Variants in PRICKLE1 observed in about 807,000 individuals in gnomAD.
PRICKLE1 encodes prickle planar cell polarity protein 1, also known as prickle-like protein 1.
In PRICKLE1, 14 loss-of-function variants were observed where a neutral mutation model predicts 70.2. The ratio of observed to expected loss-of-function variants is 0.20; its 90% CI spans 0.13 to 0.31. The LOEUF (loss-of-function observed/expected upper bound fraction) is 0.31. PRICKLE1 is among the 10% of genes least tolerant of loss of function. The pLI is 1.00. For missense variants in PRICKLE1, 821 were observed against 1,026.2 expected (o/e 0.80, Z 2.73); for synonymous variants, 357 against 379.9 (o/e 0.94, Z 0.70).
rs574975083 is a variant in PRICKLE1, at chr12:42,564,391, G to C, written c.-49+25074C>G. Among the ~76,000 whole-genome samples the C allele has an allele frequency of 3.3e-5, 5 of 152,190 alleles. No homozygotes were observed. The East Asian group carries it at 9.7e-4, about 29-fold the overall frequency. ...GGAGGCTGAGGCAGGCGGATCACCT[G>C]AGGTCACGAGTTCGAGATCAGCCAA... On this transcript the variant is annotated intron_variant, in intron 1 of 7. Transcript: ENST00000345127.
chr12:42,528,236 A>G (rs1356977314), intron 1 of PRICKLE1, among the ~76,000 whole-genome samples: 1 of 151,826 alleles, frequency 6.6e-6, no homozygotes, highest in Non-Finnish European at 1.5e-5. Flanking sequence ...GTGCACCACC[A>G]TACCTGGCTA....
At chr12:42,481,130 A>G (rs1413040333) in intron 1 of PRICKLE1, among the ~76,000 whole-genome samples, 1 of 152,224 alleles carries the variant, frequency 6.6e-6, no homozygotes, top group African/African-American at 2.4e-5. Context: ...AGGGCAACTC[A>G]GAAGGGGAGT....
At chr12:42,552,080 T>C (rs943223381) in intron 1 of PRICKLE1, among the ~76,000 whole-genome samples, 1 of 108,446 alleles carries the variant, frequency 9.2e-6, no homozygotes, top group Non-Finnish European at 1.9e-5. Context: ...TTTTTTTTTT[T>C]TTTGGAGACA....
intron 1 of PRICKLE1, among the ~76,000 whole-genome samples, chr12:42,557,115 C>T (rs1940425672): frequency 6.6e-6 from 1 of 152,088 alleles, no homozygotes; most frequent in Non-Finnish European, 1.5e-5. Context: ...TGGCTCAAGG[C>T]CTTTACTTTC....
chr12:42,556,755 C>T (rs1178161970), intron 1 of PRICKLE1, among the ~76,000 whole-genome samples: 5 of 152,140 alleles, frequency 3.3e-5, no homozygotes. Context: ...AATATATGTA[C>T]ATGCCTGATG....
At chr12:42,557,802 C>A (rs1341048428) in intron 1 of PRICKLE1, among the ~76,000 whole-genome samples, 1 of 152,166 alleles carries the variant, frequency 6.6e-6, no homozygotes, top group Non-Finnish European at 1.5e-5. Flanking sequence ...TTCTCTCTCT[C>A]TGTGTAAAAG....
intron 1 of PRICKLE1, among the ~76,000 whole-genome samples, chr12:42,494,679 C>T (rs1939162591): frequency 6.6e-6 from 1 of 151,646 alleles, no homozygotes; most frequent in Non-Finnish European, 1.5e-5. Context: ...TGGTGGCACC[C>T]ACTTGTAGTC....
chr12:42,514,885 C>CTA (rs1939576725), intron 1 of PRICKLE1, among the ~76,000 whole-genome samples: 1 of 124,372 alleles, frequency 8.0e-6, no homozygotes, highest in Non-Finnish European at 1.7e-5. Flanking sequence ...TTTTAAGGCT[C>CTA]GCTCTATCTA....
At position 42,464,704 on chromosome 12, in the gene PRICKLE1, T is replaced by G. The variant is rs146199468; in HGVS notation, c.1330A>C (p.Ile444Leu). The G allele has an allele frequency of 4.1e-5, 66 of 1,613,996 alleles. No homozygotes were observed. Among genetic ancestry groups the G allele is most frequent in the Admixed American group, 6.7e-5 (4 of 59,998 alleles). The change falls in exon 7 of 8, where the codon ATA (isoleucine) becomes CTA (leucine). Residue 444 changes from isoleucine to leucine, a missense_variant. Coordinates refer to ENST00000345127, the MANE Select transcript of PRICKLE1 (RefSeq NM_153026.3). This position sits in a 1 kb window ranked among gnomAD's most constrained non-coding sequence, Gnocchi z 4.2. Reference protein sequence around the residue: ...EMDIRASEHWISDNMVKSKTE... With the variant: ...EMDIRASEHWLSDNMVKSKTE... ...TTACTTTTAACCATGTTATCAGATA[T>G]CCAGTGCTCACTGGCTCGAATATCC... is the stretch of plus-strand genomic sequence containing the variant.
At chr12:42,496,929 A>G (rs1939211661) in intron 1 of PRICKLE1, among the ~76,000 whole-genome samples, 1 of 152,184 alleles carries the variant, frequency 6.6e-6, no homozygotes, top group Non-Finnish European at 1.5e-5. Context: ...CTTATAATTC[A>G]TGTTCACTGG....
At chr12:42,495,480 C>T (rs2140175280) in intron 1 of PRICKLE1, among the ~76,000 whole-genome samples, 1 of 152,140 alleles carries the variant, frequency 6.6e-6, no homozygotes, top group Non-Finnish European at 1.5e-5. Context: ...GAGCCTCTCA[C>T]CTCAGCCTCC....
At chr12:42,511,006 G>C (rs1346814223) in intron 1 of PRICKLE1, among the ~76,000 whole-genome samples, 1 of 152,190 alleles carries the variant, frequency 6.6e-6, no homozygotes, top group Non-Finnish European at 1.5e-5. Flanking sequence ...CATGACAATG[G>C]TACAATCACC....
At chr12:42,478,934 A>G (rs2140145466) in intron 1 of PRICKLE1, among the ~76,000 whole-genome samples, 1 of 152,060 alleles carries the variant, frequency 6.6e-6, no homozygotes, top group East Asian at 2.0e-4. Context: ...CATCTGACCC[A>G]AAGGATAAGG....
intron 1 of PRICKLE1, among the ~76,000 whole-genome samples, chr12:42,535,447 T>C (rs1940001014): frequency 1.3e-5 from 2 of 152,176 alleles, no homozygotes; most frequent in South Asian, 2.1e-4. Context: ...AGAGTCAGTA[T>C]AGAGGAAACT....
chr12:42,570,064 G>C (rs1940682246), intron 1 of PRICKLE1, among the ~76,000 whole-genome samples: 1 of 152,230 alleles, frequency 6.6e-6, no homozygotes, highest in South Asian at 2.1e-4. Context: ...AAGCCTTATA[G>C]GCTCATTAGC....
At chr12:42,573,056 GGGCACT>G (rs1310130907) in intron 1 of PRICKLE1, among the ~76,000 whole-genome samples, 1 of 152,014 alleles carries the variant, frequency 6.6e-6, no homozygotes, top group Non-Finnish European at 1.5e-5. Flanking sequence ...TGAGTTCCTT[GGGCACT>G]GGAGGAGTGT....
intron 1 of PRICKLE1, among the ~76,000 whole-genome samples, chr12:42,477,764 T>C (rs1938626257): frequency 6.6e-6 from 1 of 151,870 alleles, no homozygotes; most frequent in African/African-American, 2.4e-5. Flanking sequence ...CTAATAACTT[T>C]ATTTTCAGGT....
At chr12:42,547,975 C>T (rs980165783) in intron 1 of PRICKLE1, among the ~76,000 whole-genome samples, 1 of 152,172 alleles carries the variant, frequency 6.6e-6, no homozygotes, top group Non-Finnish European at 1.5e-5. Flanking sequence ...AACTTATACA[C>T]ATAGCCTGAA....
At chr12:42,572,313 G>A (rs1940729912) in intron 1 of PRICKLE1, among the ~76,000 whole-genome samples, 1 of 151,894 alleles carries the variant, frequency 6.6e-6, no homozygotes, top group African/African-American at 2.4e-5. Flanking sequence ...GCGGGCACCT[G>A]TAATCCCAGC....
Sources: gnomAD v4.1 joint callset for allele counts (sites outside exome capture counted in the v4.1 genomes callset) on GRCh38, gnomAD v4.1.1 for gene constraint, Gnocchi (gnomAD v3.1) non-coding constraint, MANE v1.5 for transcripts, NCBI Gene and HGNC (gene_info 2026-07-23, HGNC 2026-07-21) for gene names.